ATP5F1A: variants seen among roughly 807,000 people sequenced by gnomAD.
ATP5F1A encodes the protein ATP synthase F1 subunit alpha.
A neutral mutation model predicts 57.4 loss-of-function variants in ATP5F1A; 24 were observed. The observed-to-expected ratio is 0.42, with a 90% CI of 0.30 to 0.59. The LOEUF (loss-of-function observed/expected upper bound fraction) is 0.59, where lower values mean the gene tolerates loss of function less well. ATP5F1A is among the 20% of genes least tolerant of loss of function. ATP5F1A has a pLI of 0.19. For missense variants in ATP5F1A, 494 were observed against 707.9 expected (o/e 0.70, Z 3.43); for synonymous variants, 251 against 255.5 (o/e 0.98, Z 0.17).
Position 46,087,128 on chromosome 18 carries a change from T to C in ATP5F1A, c.1056A>G (p.Ala352=), listed in dbSNP as rs1184330162. 5.0e-6 allele frequency: 8 copies of C among 1,614,162 alleles called. No individual in the cohort carries two copies. The South Asian group carries it at 5.5e-5, about 11-fold the overall frequency. The change falls in exon 8 of 12, where the codon GCA becomes GCG. Residue 352 remains alanine (A), a synonymous_variant. Coordinates refer to ENST00000398752, the MANE Select transcript of ATP5F1A (RefSeq NM_004046.6). ...FYLHSRLLER[A]AKMNDAFGGG... is the part of the protein sequence containing the mutation. ...CACCAAAAGCATCGTTCATTTTGGC[T>C]GCTCTCTCCAGCAACCGGGAGTGTA... is the stretch of plus-strand genomic sequence containing the variant.
Position 46,089,836 on chromosome 18 carries a change from G to GCATTAC in ATP5F1A, c.464_469dup (p.Gly155_Asn156dup). ...CATTAAACCTACCTTTCCATCAATAGCATTACCAAGGGCATCAACTACACG... is the reference window on the plus strand; with the variant it reads ...CATTAAACCTACCTTTCCATCAATAGCATTACCATTACCAAGGGCATCAACTACACG... On this transcript the variant is annotated inframe_insertion, in exon 4 of 12. Coordinates refer to ENST00000398752, the MANE Select transcript of ATP5F1A (RefSeq NM_004046.6). 6.2e-7 allele frequency: 1 copy of GCATTAC among 1,611,160 alleles called. No homozygotes were observed.
At chr18:46,086,598 A>C in intron 8 of ATP5F1A, 104 bp from the exon 9 acceptor site, 1 of 1,076,846 alleles carries the variant, frequency 9.3e-7, no homozygotes, top group Non-Finnish European at 1.3e-6. Flanking sequence ...AAACCTAACA[A>C]TGCAAAGCAT....
At chr18:46,092,288 G>C (rs897890908) in intron 2 of ATP5F1A, 2 of 150,828 alleles carry the variant, frequency 1.3e-5, no homozygotes, top group Non-Finnish European at 2.9e-5. Flanking sequence ...AACTAGTTTT[G>C]TGATCATAAT....
chr18:46,103,523 C>G (rs189583276), intron 1 of ATP5F1A, among the ~76,000 whole-genome samples: 1 of 150,368 alleles, frequency 6.7e-6, no homozygotes, highest in African/African-American at 2.5e-5. Flanking sequence ...ATCGCTTGAA[C>G]CCGGGAAGCA....
At chr18:46,101,223 G>GA (rs1911265286), upstream of ATP5F1A, among the ~76,000 whole-genome samples, 3 of 152,042 alleles carry the variant, frequency 2.0e-5, no homozygotes, top group South Asian at 6.2e-4. Flanking sequence ...GGGATGACAA[G>GA]AATGACCCAA....
chr18:46,086,815 C>G, intron 8 of ATP5F1A, 193 bp downstream of exon 8: 1 of 650,926 alleles, frequency 1.5e-6, no homozygotes, highest in Non-Finnish European at 2.6e-6. Context: ...ACATGCTACT[C>G]TATGCAATAA....
upstream of ATP5F1A, among the ~76,000 whole-genome samples, chr18:46,102,236 A>C (rs968319138): frequency 5.9e-5 from 9 of 152,146 alleles, no homozygotes; most frequent in Non-Finnish European, 1.2e-4. Context: ...TGGACAAAAG[A>C]CATAAAGATA....
intron 9 of ATP5F1A, 45 bp from the exon 10 acceptor site, chr18:46,086,302 A>C: frequency 6.2e-7 from 1 of 1,611,214 alleles, no homozygotes. Context: ...GACACAGAGC[A>C]CTATACAAAT....
chr18:46,104,048 T>G (rs1487012938), intron 1 of ATP5F1A: 1 of 233,346 alleles, frequency 4.3e-6, no homozygotes. Flanking sequence ...ACAAACATCT[T>G]GCTAAGCAAG....
rs1227093723 is a variant in ATP5F1A, at chr18:46,086,450, T to G, written c.1221A>C (p.Ala407=). The part of the protein sequence containing the change: ...TELFYKGIRP[A]INVGLSVSRV... ...GAGATACAGACAGACCAACGTTAATTGCAGGGCGGATACCTTTGTAGAACA... is the reference window on the plus strand; with the variant it reads ...GAGATACAGACAGACCAACGTTAATGGCAGGGCGGATACCTTTGTAGAACA... Residue 407 remains alanine (A), a synonymous_variant, in exon 9 of 12, where the codon GCA becomes GCC. Transcript: ENST00000398752. 6.2e-7 allele frequency: 1 copy of G among 1,614,152 alleles called. No individual in the cohort carries two copies. Among genetic ancestry groups the G allele is most frequent in the East Asian group, 2.2e-5 (1 of 44,890 alleles).
intron 1 of ATP5F1A, chr18:46,104,000 T>C (rs1911372671): frequency 5.8e-6 from 1 of 172,902 alleles, no homozygotes; most frequent in South Asian, 2.0e-4. Flanking sequence ...CAGGGTAGAA[T>C]ATAAATTCTG....
chr18:46,103,445 C>A (rs1568259572), intron 1 of ATP5F1A, among the ~76,000 whole-genome samples: 1 of 149,594 alleles, frequency 6.7e-6, no homozygotes, highest in African/African-American at 2.5e-5. Context: ...TACTAAGATA[C>A]AAAAAATTAG....
At chr18:46,084,740 C>T in intron 10 of ATP5F1A, 86 bp from the exon 11 acceptor site, 2 of 1,358,196 alleles carry the variant, frequency 1.5e-6, no homozygotes, top group Non-Finnish European at 2.0e-6. Context: ...TACTTTTTCT[C>T]CAATTCCTAA....
In ATP5F1A at chr18:46,091,057, GCT is replaced by G. The variant is rs1299880608; in HGVS notation, c.309+623_309+624del. Among the ~76,000 whole-genome samples the G allele has an allele frequency of 3.3e-5, 5 of 152,270 alleles. No individual in the cohort carries two copies. The East Asian group carries it at 7.7e-4, about 23-fold the overall frequency. On this transcript the variant is annotated intron_variant, in intron 3 of 11. Coordinates refer to ENST00000398752, the MANE Select transcript of ATP5F1A (RefSeq NM_004046.6). ...TGTAATTATTCTTCCACATCAAGTG[GCT>G]CTTTTTCCGTAGTAGACATTACCAA...
chr18:46,088,466 T>C (rs776641850), intron 5 of ATP5F1A: 5 of 434,570 alleles, frequency 1.2e-5, no homozygotes, highest in East Asian at 4.2e-5. Context: ...CGCAGAAACA[T>C]GTGCTGTGTT....
intron 3 of ATP5F1A, among the ~76,000 whole-genome samples, chr18:46,090,452 TTC>T (rs1263469733): frequency 3.9e-5 from 6 of 152,200 alleles, no homozygotes; most frequent in Non-Finnish European, 8.8e-5. Context: ...ACCTGTACTC[TTC>T]GAGTTAGTAG....
At chr18:46,090,925 G>A (rs371829416) in intron 3 of ATP5F1A, among the ~76,000 whole-genome samples, 2 of 152,098 alleles carry the variant, frequency 1.3e-5, no homozygotes, top group African/African-American at 2.4e-5. Context: ...AAGCTAAAAG[G>A]GGAACTCAGA....
In ATP5F1A at chr18:46,083,984, C is replaced by CAAAA. The variant is rs750591064; in HGVS notation, c.*294_*297dup. 36 of 110,898 alleles carry CAAAA rather than the reference C, an allele frequency of 3.2e-4. No homozygotes were observed. The highest frequency in any genetic ancestry group is 1.2e-3 in the South Asian group (5 of 4,298). 6.9% of individuals were successfully genotyped at this position (110,898 alleles called of 1,614,324 possible). ...TCAGTGACAGAGTGAGAATCAGTCT[C>CAAAA]AAAAAAAAAAACAAAAAAAAAACTT... On this transcript the variant is annotated 3_prime_UTR_variant, in exon 12 of 12. Transcript: ENST00000398752.
Position 46,082,923 on chromosome 18 carries a change from G to T in ATP5F1A, c.*1359C>A, listed in dbSNP as rs1909844999. The T allele has an allele frequency of 6.6e-6, 1 of 152,078 alleles. No individual in the cohort carries two copies. The highest frequency in any genetic ancestry group is 1.5e-5 in the Non-Finnish European group (1 of 68,042). 9.4% of individuals were successfully genotyped at this position (152,078 alleles called of 1,614,324 possible). A position where few individuals can be genotyped will look rare whatever the true frequency, so the allele number is the denominator to read the frequency against. Reference sequence around the variant, plus strand: ...ATGTTAGCCGGGTGTGGTGGCATGGGCCTGTGGTCCCAGCTAATTGGGAGG... The same window carrying T: ...ATGTTAGCCGGGTGTGGTGGCATGGTCCTGTGGTCCCAGCTAATTGGGAGG... On this transcript the variant is annotated 3_prime_UTR_variant, in exon 12 of 12. Transcript: ENST00000398752.
Sources: gnomAD v4.1 joint callset for allele counts (sites outside exome capture counted in the v4.1 genomes callset) on GRCh38, gnomAD v4.1.1 for gene constraint, MANE v1.5 for transcripts, NCBI Gene and HGNC (gene_info 2026-07-23, HGNC 2026-07-21) for gene names.